Variants in ARHGEF3 observed in about 807,000 individuals in gnomAD.
The protein encoded by ARHGEF3 is 59.8 kDA protein.
A neutral mutation model predicts 63.2 loss-of-function variants in ARHGEF3; 28 were observed. The observed-to-expected ratio is 0.44, with a 90% CI of 0.33 to 0.61. The LOEUF (loss-of-function observed/expected upper bound fraction) is 0.61, where lower values mean the gene tolerates loss of function less well. Ranked by LOEUF, ARHGEF3 falls within the 20% of genes least tolerant of loss-of-function variation. The pLI is 0.03. For missense variants in ARHGEF3, 533 were observed against 659.3 expected (o/e 0.81, Z 2.10); for synonymous variants, 266 against 254.2 (o/e 1.05, Z -0.44).
At chr3:56,844,690 T>C (rs186033534) in intron 4 of ARHGEF3, among the ~76,000 whole-genome samples, 130 of 152,258 alleles carry the variant, frequency 8.5e-4, no homozygotes, top group Admixed American at 2.4e-3. Context: ...TTTCCCAGGA[T>C]TTCATGGAAC....
chr3:56,945,251 G>C (rs1699422709), intron 3 of ARHGEF3, among the ~76,000 whole-genome samples: 1 of 152,142 alleles, frequency 6.6e-6, no homozygotes, highest in African/African-American at 2.4e-5. Flanking sequence ...ATCTCACTGG[G>C]GAGTGTTGGA....
chr3:56,882,504 A>G lies in ARHGEF3; in HGVS notation c.130-150T>C, dbSNP rs910864759. The G allele has an allele frequency of 1.3e-5, 6 of 478,234 alleles. 1 individual carries two copies. In the South Asian group the frequency reaches 1.5e-4, roughly 12 times the overall value. 29.6% of individuals were successfully genotyped at this position (478,234 alleles called of 1,614,324 possible). The stretch of plus-strand genomic sequence containing the variant: ...CTTTAACCAAGCTATGTAAATGAAC[A>G]CTTCTTTTTTTTTTTTTTTTTTTTT... On this transcript the variant is annotated intron_variant, in intron 3 of 12. Transcript: ENST00000338458.
chr3:56,778,015 G>A (rs1038913181), intron 1 of ARHGEF3, among the ~76,000 whole-genome samples: 1 of 152,126 alleles, frequency 6.6e-6, no homozygotes, highest in African/African-American at 2.4e-5. Context: ...TGTGCCAGGT[G>A]GTGTGTGGAA....
intron 4 of ARHGEF3, among the ~76,000 whole-genome samples, chr3:56,869,296 C>A (rs552579081): frequency 6.6e-6 from 1 of 152,158 alleles, no homozygotes; most frequent in African/African-American, 2.4e-5. Context: ...AAGATAAGCC[C>A]GTGATTTCGT....
At chr3:56,764,514 G>A (rs919737738) in intron 2 of ARHGEF3, among the ~76,000 whole-genome samples, 1 of 152,084 alleles carries the variant, frequency 6.6e-6, no homozygotes, top group African/African-American at 2.4e-5. Context: ...GAGGCACTCT[G>A]AACACCCTAC....
At chr3:56,951,172 T>TA (rs1491218225) in intron 3 of ARHGEF3, among the ~76,000 whole-genome samples, 2 of 151,546 alleles carry the variant, frequency 1.3e-5, no homozygotes, top group Non-Finnish European at 2.9e-5. Flanking sequence ...GAGATATACC[T>TA]ATGTTAAATG....
intron 2 of ARHGEF3, among the ~76,000 whole-genome samples, chr3:56,990,409 C>T (rs577711073): frequency 6.6e-5 from 10 of 152,292 alleles, no homozygotes; most frequent in African/African-American, 2.2e-4. Context: ...TATGGTGAAA[C>T]TCTGTCTCCA....
rs1239113895 is a variant in ARHGEF3, at chr3:56,992,024, C to CTCTCTGTGTGTG, written c.63-33136_63-33135insCACACACAGAGA. Among the ~76,000 whole-genome samples, 57 of 131,714 alleles carry CTCTCTGTGTGTG rather than the reference C, an allele frequency of 4.3e-4. 2 individuals are homozygous for CTCTCTGTGTGTG. The highest frequency in any genetic ancestry group is 1.6e-3 in the African/African-American group (54 of 34,446). 86.4% of individuals were successfully genotyped at this position (131,714 alleles called of 152,430 possible). A position where few individuals can be genotyped will look rare whatever the true frequency, so the allele number is the denominator to read the frequency against. ...TCTCACTCTCTCTCCCCTCCTCTCTCTGTGTGTGTGTGTGTGTGTGTGTGT... is the reference window on the plus strand; with the variant it reads ...TCTCACTCTCTCTCCCCTCCTCTCTCTCTCTGTGTGTGTGTGTGTGTGTGTGTGTGTGTGTGT... On this transcript the variant is annotated intron_variant, in intron 2 of 12. Coordinates refer to the ARHGEF3 transcript ENST00000338458.
intron 4 of ARHGEF3, among the ~76,000 whole-genome samples, chr3:56,828,740 G>A (rs553904681): frequency 6.6e-5 from 10 of 152,182 alleles, no homozygotes; most frequent in African/African-American, 2.4e-4. Flanking sequence ...TGCCATCTGT[G>A]GGAGCCTGTT....
At position 56,914,908 on chromosome 3, in the gene ARHGEF3, C is replaced by G. The variant is rs1578832760; in HGVS notation, c.130-32554G>C. On this transcript the variant is annotated intron_variant, in intron 3 of 12. Coordinates refer to the ARHGEF3 transcript ENST00000338458. The stretch of plus-strand genomic sequence containing the variant: ...TTCAGTTTGCAAGGTGAAAAGAGTT[C>G]TGGAGATGGATGGTGGTGATGGTTG... 2.6e-5 allele frequency among the ~76,000 whole-genome samples: 4 copies of G among 152,082 alleles called. No homozygotes were observed. The South Asian group carries it at 8.3e-4, about 32-fold the overall frequency.
chr3:57,030,790 A>G (rs553015916), intron 2 of ARHGEF3, among the ~76,000 whole-genome samples: 8 of 152,256 alleles, frequency 5.3e-5, no homozygotes, highest in Non-Finnish European at 8.8e-5. Flanking sequence ...TAGAAATCCT[A>G]TACTCTTGGG....
In ARHGEF3 at chr3:56,835,332, T is replaced by C. The variant is rs184783565; in HGVS notation, c.192+46960A>G. On this transcript the variant is annotated intron_variant, in intron 4 of 12. Transcript: ENST00000338458. ...CTGGGATTACAGGCACGTACCACCA[T>C]GCCCGGCTAATTTTTGTATTTTTAG... Among the ~76,000 whole-genome samples the C allele has an allele frequency of 2.6e-3, 389 of 152,068 alleles. 1 individual carries two copies. Among genetic ancestry groups the C allele is most frequent in the African/African-American group, 8.8e-3 (367 of 41,480 alleles).
At chr3:56,739,900 G>T (rs1009851739) in intron 7 of ARHGEF3, among the ~76,000 whole-genome samples, 7 of 145,888 alleles carry the variant, frequency 4.8e-5, no homozygotes, top group Non-Finnish European at 9.0e-5. Context: ...GAGTTTCAAA[G>T]ATTTTTTTTT....
chr3:56,801,121 C>T (rs1286870638), intron 1 of ARHGEF3, among the ~76,000 whole-genome samples: 1 of 152,180 alleles, frequency 6.6e-6, no homozygotes, highest in Non-Finnish European at 1.5e-5. Flanking sequence ...GGAGACACTC[C>T]AATTTACTCA....
chr3:56,856,033 G>A lies in ARHGEF3; in HGVS notation c.192+26259C>T, dbSNP rs149397373. ...TCATTGTTTTACTCTCAAAGGAGCA[G>A]AGAGCCTGCAGACCAGCAGGGGGCC... On this transcript the variant is annotated intron_variant, in intron 4 of 12. Coordinates refer to the ARHGEF3 transcript ENST00000338458. Among the ~76,000 whole-genome samples the A allele has an allele frequency of 6.5e-3, 993 of 152,314 alleles. 11 individuals are homozygous for A. Among genetic ancestry groups the A allele is most frequent in the African/African-American group, 0.023 (948 of 41,562 alleles).
intron 1 of ARHGEF3, among the ~76,000 whole-genome samples, chr3:57,065,746 AG>A (rs1162024108): frequency 6.6e-6 from 1 of 152,152 alleles, no homozygotes; most frequent in Non-Finnish European, 1.5e-5. Context: ...CACCACAGCT[AG>A]GTGGTAGCCT....
At chr3:56,781,260 T>C (rs2036553154) in intron 1 of ARHGEF3, among the ~76,000 whole-genome samples, 1 of 151,834 alleles carries the variant, frequency 6.6e-6, no homozygotes, top group Non-Finnish European at 1.5e-5. Flanking sequence ...TTTTTTTTCT[T>C]TTTTTGAGAC....
Position 56,929,920 on chromosome 3 carries a change from C to T in ARHGEF3, c.129+28903G>A, listed in dbSNP as rs72870579. On this transcript the variant is annotated intron_variant, in intron 3 of 12. Coordinates refer to the ARHGEF3 transcript ENST00000338458. Reference sequence around the variant, plus strand: ...CCTCTGAGGTATAAAAAACCTGAAGCCCCAAAGGACAATGCAACTGACAAT... The same window carrying T: ...CCTCTGAGGTATAAAAAACCTGAAGTCCCAAAGGACAATGCAACTGACAAT... 4.1e-3 allele frequency among the ~76,000 whole-genome samples: 617 copies of T among 152,228 alleles called. 6 individuals are homozygous for T. Among genetic ancestry groups the T allele is most frequent in the African/African-American group, 0.014 (588 of 41,540 alleles).
At chr3:56,924,971 G>A (rs947052699) in intron 3 of ARHGEF3, among the ~76,000 whole-genome samples, 1 of 152,194 alleles carries the variant, frequency 6.6e-6, no homozygotes, top group Non-Finnish European at 1.5e-5. Context: ...CCCCTACCTG[G>A]CTAGCTTTGG....
Sources: gnomAD v4.1 joint callset for allele counts (sites outside exome capture counted in the v4.1 genomes callset) on GRCh38, gnomAD v4.1.1 for gene constraint, MANE v1.5 for transcripts, NCBI Gene and HGNC (gene_info 2026-07-23, HGNC 2026-07-21) for gene names.